Variants in PARVB observed in about 807,000 individuals in gnomAD.
PARVB encodes the protein beta-parvin.
A neutral mutation model predicts 47.0 loss-of-function variants in PARVB; 46 were observed. The ratio of observed to expected loss-of-function variants is 0.98; its 90% confidence interval spans 0.77 to 1.25. The LOEUF is 1.25. Among genes scored for constraint, PARVB ranks in the 50% most tolerant of loss-of-function variants. PARVB has a pLI of 0.00. For synonymous variants in PARVB, 196 were observed against 196.3 expected (o/e 1.00, Z 0.01); for missense variants, 473 against 471.6 (o/e 1.00, Z -0.03).
intron 1 of PARVB, chr22:44,069,183 A>G (rs1049432863): frequency 3.1e-6 from 5 of 1,605,714 alleles, no homozygotes; most frequent in Middle Eastern, 1.7e-4. Context: ...TTGCTTTCGT[A>G]TCATTTTCAG....
intron 1 of PARVB, among the ~76,000 whole-genome samples, chr22:44,074,820 AAT>A (rs2051731773): frequency 6.6e-6 from 1 of 152,186 alleles, no homozygotes; most frequent in African/African-American, 2.4e-5. Flanking sequence ...CAGCCAAGAC[AAT>A]GGAGTCATCC....
intron 4 of PARVB, among the ~76,000 whole-genome samples, chr22:44,120,398 A>G (rs1351500066): frequency 2.0e-5 from 3 of 151,982 alleles, no homozygotes; most frequent in Non-Finnish European, 2.9e-5. Flanking sequence ...TCTGTCTTTT[A>G]TGACGTTTTG....
At chr22:44,061,586 G>A (rs1220528365) in intron 1 of PARVB, among the ~76,000 whole-genome samples, 1 of 152,094 alleles carries the variant, frequency 6.6e-6, no homozygotes, top group Non-Finnish European at 1.5e-5. Flanking sequence ...AGCGCCCCGT[G>A]TTTGACCTCA....
intron 2 of PARVB, among the ~76,000 whole-genome samples, chr22:44,098,722 A>G (rs527770129): frequency 2.6e-5 from 4 of 152,258 alleles, no homozygotes; most frequent in East Asian, 3.9e-4. Flanking sequence ...TAGTTTCTCC[A>G]TGTTGTCAGA....
Position 44,155,213 on chromosome 22 carries a change from C to T in PARVB, c.844-2769C>T, listed in dbSNP as rs144126785. On this transcript the variant is annotated intron_variant, in intron 10 of 12. Coordinates refer to ENST00000338758, the MANE Select transcript of PARVB (RefSeq NM_013327.5). This position sits in a 1 kb window ranked among gnomAD's most constrained non-coding sequence, Gnocchi z 4.8. ...TCTGTCCACAGAATTAAACTGGAGG[C>T]GATGGGCAGTGTGAGGACTGGGTGA... Among the ~76,000 whole-genome samples, 16 of 152,240 alleles carry T rather than the reference C, an allele frequency of 1.1e-4. No homozygotes were observed. Among genetic ancestry groups the T allele is most frequent in the Non-Finnish European group, 1.8e-4 (12 of 68,016 alleles).
chr22:44,140,755 G>A (rs956283895), intron 8 of PARVB: 20 of 351,948 alleles, frequency 5.7e-5, no homozygotes, highest in African/African-American at 1.9e-4. Flanking sequence ...CTGCTTGGCC[G>A]GGGGACAGCC....
At chr22:44,033,845 A>AT (rs1291076577) in intron 1 of PARVB, among the ~76,000 whole-genome samples, 1 of 152,138 alleles carries the variant, frequency 6.6e-6, no homozygotes, top group Non-Finnish European at 1.5e-5. Flanking sequence ...GCTTGCTCAA[A>AT]TCCAGACGCT....
intron 1 of PARVB, among the ~76,000 whole-genome samples, chr22:44,081,306 G>A (rs1035140638): frequency 4.6e-5 from 7 of 152,130 alleles, no homozygotes; most frequent in East Asian, 1.9e-4. Flanking sequence ...GAAGCAGGCC[G>A]GGTCCTCCTG....
At chr22:44,051,499 T>A (rs1358771765) in intron 1 of PARVB, among the ~76,000 whole-genome samples, 1 of 152,182 alleles carries the variant, frequency 6.6e-6, no homozygotes, top group African/African-American at 2.4e-5. Context: ...AAGGCTGTGC[T>A]GGTGGCCTGC....
At chr22:44,040,047 G>A (rs1426670667) in intron 1 of PARVB, 16 of 270,524 alleles carry the variant, frequency 5.9e-5, no homozygotes, top group Admixed American at 1.1e-4. Context: ...GGGGCTGTGG[G>A]CAGGAGTTGC....
At chr22:44,003,752 G>A (rs1484748616) in intron 2 of PARVB, among the ~76,000 whole-genome samples, 8 of 152,170 alleles carry the variant, frequency 5.3e-5, no homozygotes, top group Non-Finnish European at 7.3e-5. Flanking sequence ...TCGCTTATTC[G>A]TTCCTCCAAC....
In PARVB at chr22:44,170,304, A is replaced by G. The variant is rs139098; in HGVS notation, c.*1626A>G. Reference sequence around the variant, plus strand: ...GCATGAGCGGACATGCCCAGCCTGCACCCCTCTTTTTAGAAGGGCTGCGGT... The same window carrying G: ...GCATGAGCGGACATGCCCAGCCTGCGCCCCTCTTTTTAGAAGGGCTGCGGT... On this transcript the variant is annotated 3_prime_UTR_variant, in exon 13 of 13. Transcript: ENST00000338758. 0.74 allele frequency: 112,844 copies of G among 151,880 alleles called. 42,419 individuals carry two copies. The highest frequency in any genetic ancestry group is 0.83 in the African/African-American group (34,379 of 41,442). The allele number at this position is 151,880 out of a possible 1,614,324, so 9.4% of individuals were successfully genotyped here.
chr22:44,058,970 G>A (rs1380389731), intron 1 of PARVB, among the ~76,000 whole-genome samples: 1 of 136,144 alleles, frequency 7.3e-6, no homozygotes, highest in Admixed American at 7.3e-5. Context: ...TTTCATAGAT[G>A]AGGGTGTGAT....
intron 1 of PARVB, among the ~76,000 whole-genome samples, chr22:44,092,425 T>C (rs554440878): frequency 2.0e-5 from 3 of 152,214 alleles, no homozygotes; most frequent in African/African-American, 4.8e-5. Flanking sequence ...ATTTCTACTT[T>C]TGGGCTATTT....
chr22:44,079,288 A>G (rs1175777800), intron 1 of PARVB, among the ~76,000 whole-genome samples: 1 of 152,158 alleles, frequency 6.6e-6, no homozygotes, highest in East Asian at 1.9e-4. Flanking sequence ...GAGCTAGTGC[A>G]CCATCCTTGT....
chr22:44,019,312 C>T (rs986007028), upstream of PARVB, among the ~76,000 whole-genome samples: 3 of 151,964 alleles, frequency 2.0e-5, no homozygotes, highest in Non-Finnish European at 2.9e-5. Context: ...CTCCGCCTGC[C>T]GGGTTCAGGT....
intron 4 of PARVB, chr22:44,119,755 G>A (rs750414897): frequency 3.8e-6 from 2 of 529,656 alleles, no homozygotes; most frequent in Admixed American, 3.9e-5. Flanking sequence ...CTTACAGTCT[G>A]TCTGAAAAGA....
chr22:44,011,454 T>A (rs1191571639), intron 2 of PARVB, among the ~76,000 whole-genome samples: 1 of 151,972 alleles, frequency 6.6e-6, no homozygotes, highest in East Asian at 2.0e-4. Context: ...CTCTACTTTA[T>A]ACAAAAGTTA....
At chr22:44,132,125 TC>T (rs1027903836) in intron 5 of PARVB, among the ~76,000 whole-genome samples, 9 of 151,998 alleles carry the variant, frequency 5.9e-5, no homozygotes, top group Non-Finnish European at 1.2e-4. Flanking sequence ...CTTCCCCACC[TC>T]CCTCCCCTGG....
Sources: gnomAD v4.1 joint callset for allele counts (sites outside exome capture counted in the v4.1 genomes callset) on GRCh38, gnomAD v4.1.1 for gene constraint, Gnocchi (gnomAD v3.1) non-coding constraint, MANE v1.5 for transcripts, NCBI Gene and HGNC (gene_info 2026-07-23, HGNC 2026-07-21) for gene names.